The following NALCN variants were observed in gnomAD, a reference collection of about 807,000 sequenced individuals.
The protein encoded by NALCN is sodium leak channel, non-selective.
In NALCN, 111 loss-of-function variants were observed where a neutral mutation model predicts 225.3. The observed-to-expected ratio is 0.49, with a 90% CI of 0.42 to 0.58. The LOEUF is 0.58. NALCN is among the 20% of genes least tolerant of loss of function. The pLI, the probability that NALCN is intolerant of heterozygous loss-of-function variation, is 0.00. For missense variants in NALCN, 1,378 were observed against 2,202.4 expected (o/e 0.63, Z 7.49); for synonymous variants, 764 against 769.0 (o/e 0.99, Z 0.11).
Position 101,055,274 on chromosome 13 carries a change from TTCATCTACATTG to T in NALCN, c.*9_*20del. 6.3e-7 allele frequency: 1 copy of T among 1,596,942 alleles called. No homozygotes were observed. Among genetic ancestry groups the T allele is most frequent in the Non-Finnish European group, 8.6e-7 (1 of 1,167,880 alleles). The stretch of plus-strand genomic sequence containing the variant: ...AGAAAACGGTTTCCACCACTAGAAA[TTCATCTACATTG>T]ACATCCACCTAAATATCCAGAAGGT... On this transcript the variant is annotated 3_prime_UTR_variant, in exon 44 of 44. Transcript: ENST00000251127.
chr13:101,153,596 C>T (rs987074862), intron 15 of NALCN, among the ~76,000 whole-genome samples: 4 of 152,146 alleles, frequency 2.6e-5, no homozygotes, highest in Admixed American at 6.5e-5. Flanking sequence ...ATATCGCTTC[C>T]CACCCCTCTT....
intron 15 of NALCN, among the ~76,000 whole-genome samples, chr13:101,168,755 G>A (rs958096621): frequency 6.6e-6 from 1 of 152,156 alleles, no homozygotes; most frequent in Admixed American, 6.5e-5. Flanking sequence ...ATATCAAAAT[G>A]CTTAGTGCTG....
chr13:101,267,358 A>C (rs2042631551), intron 10 of NALCN, among the ~76,000 whole-genome samples: 1 of 152,220 alleles, frequency 6.6e-6, no homozygotes, highest in Non-Finnish European at 1.5e-5. Flanking sequence ...ACCTCTAAGC[A>C]GGATTGATTA....
At chr13:101,287,540 A>G (rs2043384288) in intron 9 of NALCN, among the ~76,000 whole-genome samples, 1 of 152,230 alleles carries the variant, frequency 6.6e-6, no homozygotes, top group African/African-American at 2.4e-5. Context: ...TGCCCACTTC[A>G]CAGTATTATT....
At chr13:101,235,976 C>T (rs2041539800) in intron 12 of NALCN, among the ~76,000 whole-genome samples, 1 of 152,116 alleles carries the variant, frequency 6.6e-6, no homozygotes. Flanking sequence ...GGTTAGAGTC[C>T]TGTTTCTCAA....
At chr13:101,300,650 A>G (rs2043932237) in intron 7 of NALCN, among the ~76,000 whole-genome samples, 1 of 152,116 alleles carries the variant, frequency 6.6e-6, no homozygotes, top group Non-Finnish European at 1.5e-5. Flanking sequence ...TCCCTGATAG[A>G]CTGTGCTGTA....
intron 10 of NALCN, among the ~76,000 whole-genome samples, chr13:101,278,268 T>C (rs1209661708): frequency 6.6e-6 from 1 of 152,162 alleles, no homozygotes; most frequent in East Asian, 1.9e-4. Context: ...CTCACACCTG[T>C]AATCCCAGCA....
Position 101,397,359 on chromosome 13 carries a change from C to A in NALCN, c.108+1660G>T, listed in dbSNP as rs78619376. 6.7e-3 allele frequency among the ~76,000 whole-genome samples: 1,010 copies of A among 150,040 alleles called. 10 individuals are homozygous for A. Among genetic ancestry groups the A allele is most frequent in the African/African-American group, 0.023 (965 of 41,148 alleles). ...ATTATATAACATTATAAAACATGTT[C>A]TAGATAAGACATAATATACATATAT... On this transcript the variant is annotated intron_variant, in intron 2 of 43. Transcript: ENST00000251127.
rs577380914 is a variant in NALCN at position 101,365,324 on chromosome 13, T to C, written c.644+11376A>G. On this transcript the variant is annotated intron_variant, in intron 6 of 43. Coordinates refer to ENST00000251127, the MANE Select transcript of NALCN (RefSeq NM_052867.4). Reference sequence around the variant, plus strand: ...TTGGTTTTCTCTTCCTGTGTTAGTTTGCTTAGGATAACGGCCTCCAGCTTC... The same window carrying C: ...TTGGTTTTCTCTTCCTGTGTTAGTTCGCTTAGGATAACGGCCTCCAGCTTC... Among the ~76,000 whole-genome samples the C allele has an allele frequency of 3.3e-5, 5 of 152,268 alleles. No homozygotes were observed. The South Asian group carries it at 6.2e-4, about 19-fold the overall frequency.
At chr13:101,105,331 T>G (rs998856085) in intron 22 of NALCN, among the ~76,000 whole-genome samples, 4 of 152,226 alleles carry the variant, frequency 2.6e-5, no homozygotes, top group African/African-American at 9.6e-5. Context: ...GATTATTTAA[T>G]TAAATACTCC....
intron 13 of NALCN, among the ~76,000 whole-genome samples, chr13:101,194,983 A>G (rs1388236655): frequency 6.6e-6 from 1 of 152,208 alleles, no homozygotes. Context: ...CAGCCTGGAC[A>G]ACAGAGCGAG....
At chr13:101,395,726 A>T (rs534075355) in intron 2 of NALCN, among the ~76,000 whole-genome samples, 24 of 152,310 alleles carry the variant, frequency 1.6e-4, no homozygotes, top group African/African-American at 5.0e-4. Context: ...TTCTGGTTCA[A>T]TTAAAATATG....
chr13:101,147,134 G>C (rs1274499382), intron 15 of NALCN, among the ~76,000 whole-genome samples: 1 of 152,116 alleles, frequency 6.6e-6, no homozygotes, highest in African/African-American at 2.4e-5. Flanking sequence ...TGAGAACACA[G>C]AGTTCTTTCC....
intron 10 of NALCN, among the ~76,000 whole-genome samples, chr13:101,282,162 C>T (rs1283435050): frequency 6.6e-6 from 1 of 152,150 alleles, no homozygotes; most frequent in East Asian, 1.9e-4. Context: ...TGGATATATG[C>T]CCAAAGGAAA....
intron 6 of NALCN, among the ~76,000 whole-genome samples, chr13:101,359,945 A>G (rs2046180834): frequency 6.6e-6 from 1 of 152,162 alleles, no homozygotes; most frequent in African/African-American, 2.4e-5. Flanking sequence ...TTTTAAGTCA[A>G]TATTTCTTTT....
chr13:101,311,013 G>C (rs2044322635), intron 7 of NALCN, among the ~76,000 whole-genome samples: 1 of 151,778 alleles, frequency 6.6e-6, no homozygotes, highest in Non-Finnish European at 1.5e-5. Flanking sequence ...TCTTCCATTT[G>C]TTTGTATCCT....
At chr13:101,400,048 T>C (rs1440458637) in intron 1 of NALCN, among the ~76,000 whole-genome samples, 1 of 152,104 alleles carries the variant, frequency 6.6e-6, no homozygotes, top group East Asian at 1.9e-4. Context: ...AGCACCTGGA[T>C]TGAGTCTTAA....
In NALCN at chr13:101,104,467, A is replaced by G. The variant is rs550097537; in HGVS notation, c.2758-41T>C. The G allele has an allele frequency of 1.2e-6, 2 of 1,612,598 alleles. No individual in the cohort carries two copies. Among genetic ancestry groups the G allele is most frequent in the South Asian group, 1.1e-5 (1 of 90,972 alleles). ...GGCAGTTTGGTTACAATGAACGGAA[A>G]AACAGCAGGTCAGTATTTTACCTCC... On this transcript the variant is annotated intron_variant, in intron 24 of 43. Transcript: ENST00000251127. The surrounding 1 kb of genome is among the most constrained non-coding windows in gnomAD (Gnocchi z 4.2).
At chr13:101,148,220 C>T (rs890936850) in intron 15 of NALCN, among the ~76,000 whole-genome samples, 15 of 152,116 alleles carry the variant, frequency 9.9e-5, no homozygotes, top group East Asian at 1.9e-4. Flanking sequence ...AAAACCAAGG[C>T]GCCAGCAGGG....
Sources: allele counts gnomAD v4.1 joint callset (sites outside exome capture counted in the v4.1 genomes callset), GRCh38; gene constraint gnomAD v4.1.1; non-coding constraint Gnocchi (gnomAD v3.1); transcripts MANE v1.5; gene names NCBI Gene and HGNC (gene_info 2026-07-23, HGNC 2026-07-21).